PAK4: variants seen among roughly 807,000 people sequenced by gnomAD.
PAK4 encodes the protein serine/threonine-protein kinase PAK 4.
A neutral mutation model predicts 53.5 loss-of-function variants in PAK4; 49 were observed. The observed-to-expected ratio is 0.92, with a 90% confidence interval of 0.73 to 1.16. The LOEUF is 1.16. PAK4 is among the 50% of genes most tolerant of loss of function. The pLI is 0.00. For synonymous variants in PAK4, 376 were observed against 375.6 expected (o/e 1.00, Z -0.01); for missense variants, 824 against 850.7 (o/e 0.97, Z 0.39).
chr19:39,161,950 A>G lies in PAK4; in HGVS notation c.-22-7582A>G, dbSNP rs116052119. Among the ~76,000 whole-genome samples the G allele has an allele frequency of 4.9e-3, 737 of 151,766 alleles. 6 individuals are homozygous for G. Among genetic ancestry groups the G allele is most frequent in the African/African-American group, 0.016 (676 of 41,358 alleles). ...AAGGCCTGCCTGACCACTTTATTTT[A>G]TAATAATAGTTATTATTATTATTTT... On this transcript the variant is annotated intron_variant, in intron 1 of 8. Transcript: ENST00000358301. This position sits in a 1 kb window ranked among gnomAD's most constrained non-coding sequence, Gnocchi z 4.5.
At chr19:39,176,820 C>A in intron 7 of PAK4, 105 bp downstream of exon 8, 1 of 1,377,724 alleles carries the variant, frequency 7.3e-7, no homozygotes, top group Non-Finnish European at 1.0e-6. Context: ...GAGTCATTGC[C>A]AGGAATGGTG....
intron 1 of PAK4, among the ~76,000 whole-genome samples, chr19:39,151,708 T>A (rs1478751557): frequency 6.6e-6 from 1 of 152,206 alleles, no homozygotes; most frequent in Non-Finnish European, 1.5e-5. Context: ...GTGGTTTCAG[T>A]TACCTGTGAC....
chr19:39,143,979 T>C (rs964285919), intron 1 of PAK4, among the ~76,000 whole-genome samples: 5 of 148,232 alleles, frequency 3.4e-5, no homozygotes, highest in African/African-American at 1.0e-4. Context: ...AGCCCAGGAG[T>C]TGGAGGCTGC....
chr19:39,171,939 A>G (rs756417314), intron 2 of PAK4, among the ~76,000 whole-genome samples: 2 of 152,230 alleles, frequency 1.3e-5, no homozygotes, highest in African/African-American at 4.8e-5. Context: ...CAGACAGGAA[A>G]AAACAATCCC....
chr19:39,174,528 C>G (rs1045845378), intron 4 of PAK4, among the ~76,000 whole-genome samples: 4 of 152,040 alleles, frequency 2.6e-5, no homozygotes, highest in Admixed American at 2.0e-4. Flanking sequence ...TGTGAGGCCC[C>G]TCTCGACCCC....
chr19:39,139,383 G>C (rs1397320772), intron 1 of PAK4, among the ~76,000 whole-genome samples: 2 of 152,162 alleles, frequency 1.3e-5, no homozygotes, highest in African/African-American at 4.8e-5. Flanking sequence ...CGGGATAAAG[G>C]GTTCGGGACC....
chr19:39,164,071 G>A (rs141773915), intron 1 of PAK4, among the ~76,000 whole-genome samples: 1 of 152,142 alleles, frequency 6.6e-6, no homozygotes, highest in Non-Finnish European at 1.5e-5. Flanking sequence ...GAGGTGAGGA[G>A]TTCAAGACCA....
At chr19:39,163,488 G>A (rs1016259016) in intron 1 of PAK4, among the ~76,000 whole-genome samples, 5 of 152,044 alleles carry the variant, frequency 3.3e-5, no homozygotes, top group Admixed American at 2.6e-4. Flanking sequence ...ATTTGGGCCA[G>A]TTAACCTTGT....
At position 39,173,739 on chromosome 19, in the gene PAK4, G is replaced by C; in HGVS notation, c.827G>C (p.Cys276Ser). Residue 276 changes from cysteine to serine, a missense_variant, in exon 4 of 9, where the codon TGC becomes TCC. Around this residue, in one of 2 missense-constraint regions of PAK4, gnomAD observed 478 missense variants for 435.8 expected, o/e 1.10. Coordinates refer to ENST00000358301, the Ensembl canonical transcript of PAK4. The surrounding 1 kb of genome is among the most constrained non-coding windows in gnomAD (Gnocchi z 6.9). ...GAGCCCCAGCTGGCCCCTCCAGCCTGCACCCCCGCCGCCCCTGCTGTTCCT... is the reference window on the plus strand; with the variant it reads ...GAGCCCCAGCTGGCCCCTCCAGCCTCCACCCCCGCCGCCCCTGCTGTTCCT... The C allele has an allele frequency of 1.3e-6, 2 of 1,575,746 alleles. No homozygotes were observed. The highest frequency in any genetic ancestry group is 1.7e-6 in the Non-Finnish European group (2 of 1,163,656).
rs114501425 is a variant in PAK4 at position 39,175,497 on chromosome 19, G to T, written c.1359+59G>T. The T allele has an allele frequency of 2.6e-6, 4 of 1,521,912 alleles. No homozygotes were observed. The highest frequency in any genetic ancestry group is 3.6e-6 in the Non-Finnish European group (4 of 1,120,844). 94.3% of individuals were successfully genotyped at this position (1,521,912 alleles called of 1,614,324 possible). ...AGGTTTCCGGCTGCGGGGCTTCCCT[G>T]CCTCTTCCCATCCCCTGTGAGGGTA... On this transcript the variant is annotated intron_variant, in intron 6 of 8. Coordinates refer to ENST00000358301, the Ensembl canonical transcript of PAK4. The surrounding 1 kb of genome is among the most constrained non-coding windows in gnomAD (Gnocchi z 4.7).
chr19:39,132,964 C>T (rs2073742038), intron 1 of PAK4, among the ~76,000 whole-genome samples: 1 of 152,228 alleles, frequency 6.6e-6, no homozygotes, highest in African/African-American at 2.4e-5. Flanking sequence ...GCTGTCTATT[C>T]CTGATAATTT....
chr19:39,148,344 C>T (rs984296976), intron 1 of PAK4, among the ~76,000 whole-genome samples: 2 of 151,700 alleles, frequency 1.3e-5, no homozygotes, highest in South Asian at 2.1e-4. Flanking sequence ...ACTTTTCATA[C>T]GGACTTTTGC....
At chr19:39,160,650 C>T (rs981045099) in intron 1 of PAK4, among the ~76,000 whole-genome samples, 4 of 152,114 alleles carry the variant, frequency 2.6e-5, no homozygotes, top group Non-Finnish European at 5.9e-5. Flanking sequence ...GCAGCCAGCG[C>T]GGCTGGAGAG....
chr19:39,157,606 A>G (rs2074207854), intron 1 of PAK4, among the ~76,000 whole-genome samples: 1 of 152,152 alleles, frequency 6.6e-6, no homozygotes, highest in East Asian at 1.9e-4. Context: ...CTGGTGCCCC[A>G]TATTCTAGAG....
chr19:39,173,855 G>C lies in PAK4; in HGVS notation c.943G>C (p.Gly315Arg). 6.2e-7 allele frequency: 1 copy of C among 1,612,718 alleles called. No homozygotes were observed. Among genetic ancestry groups the C allele is most frequent in the Non-Finnish European group, 8.5e-7 (1 of 1,179,828 alleles). Residue 315 changes from glycine to arginine, a missense_variant, in exon 4 of 9, where the codon GGC becomes CGC. Transcript: ENST00000358301. This position sits in a 1 kb window ranked among gnomAD's most constrained non-coding sequence, Gnocchi z 6.9. ...TGCCCTGCAGCTGGTGGTGGACCCA[G>C]GCGACCCCCGCTCCTACCTGGACAA...
chr19:39,137,494 T>C (rs900412051), intron 1 of PAK4, among the ~76,000 whole-genome samples: 52 of 152,088 alleles, frequency 3.4e-4, no homozygotes, highest in African/African-American at 1.2e-3. Flanking sequence ...TTTCACAGAT[T>C]GGGAGGTGAG....
In PAK4 at chr19:39,178,442, G is replaced by T; in HGVS notation, c.1639G>T (p.Gly547Cys). 1.9e-6 allele frequency: 3 copies of T among 1,592,780 alleles called. No homozygotes were observed. The highest frequency in any genetic ancestry group is 2.6e-6 in the Non-Finnish European group (3 of 1,170,638). Residue 547 changes from glycine to cysteine, a missense_variant, in exon 9 of 9, where the codon GGC (glycine) becomes TGC (cysteine). By Grantham distance (159) the Gly-to-Cys change is radical. Transcript: ENST00000358301. This position sits in a 1 kb window ranked among gnomAD's most constrained non-coding sequence, Gnocchi z 4.4. ...TCGACAGGTGTCGCCATCCCTGAAG[G>T]GCTTCCTGGACCGCCTGCTGGTGCG...
At chr19:39,165,714 G>A (rs866869138) in intron 1 of PAK4, among the ~76,000 whole-genome samples, 2 of 152,096 alleles carry the variant, frequency 1.3e-5, no homozygotes, top group African/African-American at 4.8e-5. Context: ...TCCTGTCCAT[G>A]CCCTGGACAA....
intron 1 of PAK4, among the ~76,000 whole-genome samples, chr19:39,149,728 C>T (rs941239640): frequency 6.6e-6 from 1 of 152,064 alleles, no homozygotes; most frequent in Admixed American, 6.6e-5. Context: ...TGGTGGTGGG[C>T]GCCTGTAGTC....
Sources: allele counts gnomAD v4.1 joint callset (sites outside exome capture counted in the v4.1 genomes callset), GRCh38; gene constraint gnomAD v4.1.1; regional missense constraint gnomAD v4.1.1; non-coding constraint Gnocchi (gnomAD v3.1); transcripts MANE v1.5; gene names NCBI Gene and HGNC (gene_info 2026-07-23, HGNC 2026-07-21).